PRKN: variants seen among roughly 807,000 people sequenced by gnomAD.
The protein encoded by PRKN is E3 ubiquitin-protein ligase parkin.
Under a neutral mutation model 59.5 loss-of-function variants are expected in PRKN, and 56 were observed. The observed-to-expected ratio is 0.94, with a 90% confidence interval of 0.76 to 1.18. The LOEUF (loss-of-function observed/expected upper bound fraction) is 1.18. Among genes scored for constraint, PRKN ranks in the 50% most tolerant of loss-of-function variants. The probability of loss-of-function intolerance (pLI) is 0.00; values close to 1 mark genes in which losing one functional copy is unlikely to be tolerated. For synonymous variants in PRKN, 250 were observed against 222.1 expected, an observed-to-expected ratio of 1.13 and a Z score of -1.12; for missense variants, 657 against 596.4, an observed-to-expected ratio of 1.10 and a Z score of -1.06.
chr6:162,334,642 T>C (rs1259706637), intron 2 of PRKN, among the ~76,000 whole-genome samples: 3 of 152,212 alleles, frequency 2.0e-5, no homozygotes, highest in Non-Finnish European at 2.9e-5. Context: ...CTGCATCCCA[T>C]GGATTAAGGA....
In PRKN at chr6:161,858,858, C is replaced by CTTTTTTTTTTTTTTTTTTTTTTTT. The variant is rs71544920; in HGVS notation, c.735-72951_735-72950insAAAAAAAAAAAAAAAAAAAAAAAA. Among the ~76,000 whole-genome samples the CTTTTTTTTTTTTTTTTTTTTTTTT allele has an allele frequency of 8.3e-5, 6 of 71,948 alleles. 1 individual carries two copies. Among genetic ancestry groups the CTTTTTTTTTTTTTTTTTTTTTTTT allele is most frequent in the Non-Finnish European group, 1.6e-4 (6 of 37,044 alleles). 47.2% of individuals were successfully genotyped at this position (71,948 alleles called of 152,430 possible). ...CTTTCAATTAACTAGCACAGCTGTA[C>CTTTTTTTTTTTTTTTTTTTTTTTT]TTTTTTTTTTTTTTTTTTTTGAGAC... On this transcript the variant is annotated intron_variant, in intron 6 of 11. Coordinates refer to ENST00000366898, the MANE Select transcript of PRKN (RefSeq NM_004562.3).
intron 1 of PRKN, among the ~76,000 whole-genome samples, chr6:162,522,525 T>C (rs1251317524): frequency 6.6e-6 from 1 of 152,240 alleles, no homozygotes. Flanking sequence ...TGGCTTTTGT[T>C]TGCTTTGTTA....
intron 1 of PRKN, among the ~76,000 whole-genome samples, chr6:162,643,192 G>A (rs1273911363): frequency 1.3e-5 from 2 of 152,044 alleles, no homozygotes; most frequent in Non-Finnish European, 2.9e-5. Flanking sequence ...GAGGTCAGGA[G>A]TTTGAGACTA....
chr6:162,323,275 T>G (rs928485853), intron 2 of PRKN, among the ~76,000 whole-genome samples: 2 of 148,482 alleles, frequency 1.3e-5, no homozygotes, highest in African/African-American at 5.0e-5. Flanking sequence ...ATGTAAAATC[T>G]AAAACTGAAA....
chr6:161,612,180 T>C (rs1309299434), intron 7 of PRKN, among the ~76,000 whole-genome samples: 2 of 152,182 alleles, frequency 1.3e-5, no homozygotes, highest in East Asian at 3.9e-4. Flanking sequence ...AGTGCTGATA[T>C]AGAAACCGCA....
At chr6:162,276,853 C>G (rs1379863721) in intron 2 of PRKN, among the ~76,000 whole-genome samples, 1 of 152,048 alleles carries the variant, frequency 6.6e-6, no homozygotes, top group African/African-American at 2.4e-5. Flanking sequence ...CATACAGTAA[C>G]CTCACGTGTG....
Position 162,322,987 on chromosome 6 carries a change from C to T in PRKN, c.172-60222G>A, listed in dbSNP as rs911226240. ...ATCACAAGAATGAAAAACCAAACAC[C>T]GCATATTCTCACTCATAGGTGGGAA... On this transcript the variant is annotated intron_variant, in intron 2 of 11. Coordinates refer to ENST00000366898, the MANE Select transcript of PRKN (RefSeq NM_004562.3). 1.4e-4 allele frequency among the ~76,000 whole-genome samples: 21 copies of T among 147,200 alleles called. 1 individual carries two copies. Among genetic ancestry groups the T allele is most frequent in the Non-Finnish European group, 7.4e-5 (5 of 67,428 alleles).
intron 2 of PRKN, among the ~76,000 whole-genome samples, chr6:162,363,383 G>A (rs1785256273): frequency 6.6e-6 from 1 of 151,642 alleles, no homozygotes; most frequent in Non-Finnish European, 1.5e-5. Flanking sequence ...GGAAAAAAAT[G>A]TATTTTTCTA....
At chr6:162,193,390 T>C (rs973666550) in intron 4 of PRKN, among the ~76,000 whole-genome samples, 3 of 152,196 alleles carry the variant, frequency 2.0e-5, no homozygotes, top group African/African-American at 4.8e-5. Context: ...CAAAGCTGAA[T>C]GTGCATCACT....
intron 4 of PRKN, among the ~76,000 whole-genome samples, chr6:162,130,000 A>G (rs1010311474): frequency 2.0e-5 from 3 of 152,202 alleles, no homozygotes; most frequent in Non-Finnish European, 4.4e-5. Flanking sequence ...AGAATTGAGG[A>G]GTAGAGAATG....
At chr6:162,477,337 G>T (rs1792069763) in intron 1 of PRKN, among the ~76,000 whole-genome samples, 1 of 152,082 alleles carries the variant, frequency 6.6e-6, no homozygotes, top group African/African-American at 2.4e-5. Flanking sequence ...TGATACTACA[G>T]GCAGTCAAAA....
chr6:162,249,826 TAAAACAAAAC>T lies in PRKN; in HGVS notation c.412+12689_412+12698del, dbSNP rs546576931. 3.3e-4 allele frequency among the ~76,000 whole-genome samples: 50 copies of T among 151,252 alleles called. 1 individual carries two copies. The highest frequency in any genetic ancestry group is 1.2e-3 in the African/African-American group (47 of 40,708). On this transcript the variant is annotated intron_variant, in intron 3 of 11. Transcript: ENST00000366898. ...GATGAAAATAGCATTTTTCTGTGAT[TAAAACAAAAC>T]AAAACAAAACAAAACGAAACCTTTG...
chr6:161,936,052 A>G (rs1480750802), intron 6 of PRKN, among the ~76,000 whole-genome samples: 1 of 152,218 alleles, frequency 6.6e-6, no homozygotes, highest in Non-Finnish European at 1.5e-5. Flanking sequence ...TGAGATCAAC[A>G]TCCTGAAGTA....
At chr6:162,107,141 GA>G (rs1030089555) in intron 4 of PRKN, among the ~76,000 whole-genome samples, 1 of 152,110 alleles carries the variant, frequency 6.6e-6, no homozygotes, top group Non-Finnish European at 1.5e-5. Flanking sequence ...TACAACTCTT[GA>G]GTGAGTACCA....
chr6:161,565,471 A>G (rs2115469654), intron 8 of PRKN, among the ~76,000 whole-genome samples: 1 of 152,246 alleles, frequency 6.6e-6, no homozygotes, highest in Admixed American at 6.5e-5. Context: ...AAGTGATTGG[A>G]TCATGGGGAT....
At chr6:161,971,252 G>A (rs898590708) in intron 6 of PRKN, among the ~76,000 whole-genome samples, 5 of 152,276 alleles carry the variant, frequency 3.3e-5, no homozygotes, top group South Asian at 2.1e-4. Flanking sequence ...TTATTAATAC[G>A]AAAGTGACAG....
At chr6:162,694,407 T>C (rs945926165) in intron 1 of PRKN, among the ~76,000 whole-genome samples, 5 of 152,104 alleles carry the variant, frequency 3.3e-5, no homozygotes, top group African/African-American at 1.2e-4. Context: ...CAGAGCTAAA[T>C]ATGAGGAGTA....
chr6:161,659,238 G>C (rs571614832), intron 7 of PRKN, among the ~76,000 whole-genome samples: 7 of 152,230 alleles, frequency 4.6e-5, no homozygotes, highest in African/African-American at 1.7e-4. Context: ...AATGTATCCT[G>C]GGCACATAGA....
chr6:162,556,370 T>TGTGTGTGTGTGC (rs1779591377), intron 1 of PRKN, among the ~76,000 whole-genome samples: 1 of 99,298 alleles, frequency 1.0e-5, no homozygotes, highest in African/African-American at 2.9e-5. Flanking sequence ...TGTGTGTGTG[T>TGTGTGTGTGTGC]GTGTGTGTGT....
Sources: allele counts gnomAD v4.1 joint callset (sites outside exome capture counted in the v4.1 genomes callset), GRCh38; gene constraint gnomAD v4.1.1; transcripts MANE v1.5; gene names NCBI Gene and HGNC (gene_info 2026-07-23, HGNC 2026-07-21).